The following ISM1 variants were observed in gnomAD, a reference collection of about 807,000 sequenced individuals.
ISM1 encodes isthmin-1.
In ISM1, 25 loss-of-function variants were observed where a neutral mutation model predicts 46.3. The ratio of observed to expected loss-of-function variants is 0.54; its 90% CI spans 0.39 to 0.75. ISM1 has a LOEUF of 0.75. Ranked by LOEUF, ISM1 falls within the 30% of genes least tolerant of loss-of-function variation. The pLI, the probability that ISM1 is intolerant of heterozygous loss-of-function variation, is 0.00. For missense variants in ISM1, 536 were observed against 625.4 expected (o/e 0.86, Z 1.52); for synonymous variants, 255 against 256.7 (o/e 0.99, Z 0.06).
intron 1 of ISM1, among the ~76,000 whole-genome samples, chr20:13,243,583 G>A (rs1046525300): frequency 1.2e-4 from 19 of 152,036 alleles, no homozygotes; most frequent in African/African-American, 4.6e-4. Context: ...TATTATAAAA[G>A]CAGTAAAACG....
At chr20:13,254,579 C>T (rs1484353063) in intron 1 of ISM1, among the ~76,000 whole-genome samples, 1 of 152,132 alleles carries the variant, frequency 6.6e-6, no homozygotes, top group Non-Finnish European at 1.5e-5. Flanking sequence ...GTGACTTGGT[C>T]ACAGGCAGGT....
the ISM1 span, among the ~76,000 whole-genome samples, chr20:13,315,219 A>G: frequency 6.6e-6 from 1 of 152,080 alleles, no homozygotes; most frequent in Non-Finnish European, 1.5e-5. Flanking sequence ...TTGAACATCA[A>G]TGACCTAAAT....
chr20:13,233,488 G>T (rs552918883), intron 1 of ISM1, among the ~76,000 whole-genome samples: 2 of 151,634 alleles, frequency 1.3e-5, no homozygotes, highest in African/African-American at 4.9e-5. Flanking sequence ...CCAGCTACTC[G>T]GGAGGCTGAG....
intron 1 of ISM1, among the ~76,000 whole-genome samples, chr20:13,261,351 G>A (rs891720133): frequency 2.6e-5 from 4 of 152,034 alleles, no homozygotes; most frequent in Middle Eastern, 3.4e-3. Flanking sequence ...CCAGAAGGCA[G>A]AGGTTGCAGT....
chr20:13,324,796 T>C, the ISM1 span, among the ~76,000 whole-genome samples: 2 of 152,146 alleles, frequency 1.3e-5, no homozygotes, highest in Non-Finnish European at 2.9e-5. Flanking sequence ...TTATTAGATA[T>C]TACATACATT....
chr20:13,287,994 T>C (rs751749704), intron 3 of ISM1, among the ~76,000 whole-genome samples: 8 of 152,180 alleles, frequency 5.3e-5, no homozygotes, highest in African/African-American at 9.7e-5. Context: ...TGCTCACATG[T>C]CTGGTGTCTG....
intron 5 of ISM1, among the ~76,000 whole-genome samples, chr20:13,293,339 G>T (rs2040373953): frequency 6.6e-6 from 1 of 152,272 alleles, no homozygotes. Context: ...GGTGCAAGGT[G>T]CAAGCTTACT....
At chr20:13,311,239 TAGATGATAGATAGATA>T in the ISM1 span, among the ~76,000 whole-genome samples, 1 of 110,282 alleles carries the variant, frequency 9.1e-6, no homozygotes, top group African/African-American at 3.4e-5. Context: ...GATAGATAGA[TAGATGATAGATAGATA>T]GATAGATAGA....
chr20:13,284,142 G>C (rs1358173664), intron 3 of ISM1, among the ~76,000 whole-genome samples: 1 of 152,198 alleles, frequency 6.6e-6, no homozygotes, highest in East Asian at 1.9e-4. Context: ...TCAGTAGATC[G>C]ACAGGGCAGC....
chr20:13,324,903 C>A, the ISM1 span, among the ~76,000 whole-genome samples: 1 of 152,182 alleles, frequency 6.6e-6, no homozygotes, highest in Non-Finnish European at 1.5e-5. Flanking sequence ...CTTGCTCATG[C>A]AGCTGAAGAA....
chr20:13,270,609 C>G lies in ISM1; in HGVS notation c.244C>G (p.Pro82Ala). Residue 82 changes from proline (P) to alanine (A), a missense_variant, in exon 2 of 6, where the codon CCC becomes GCC. This residue lies in a region of ISM1 where 367 missense variants were observed against 376.1 expected (regional missense o/e 0.98). Transcript: ENST00000262487. ...CCACCAGGCTGCACACCAACCCTTC[C>G]CCAGACCGCGATTCCGACAAGAGAC... The part of the protein sequence containing the change: ...LDHQAAHQPF[P>A]RPRFRQETGH... 1 of 1,613,990 alleles carries G rather than the reference C, an allele frequency of 6.2e-7. No individual in the cohort carries two copies. The highest frequency in any genetic ancestry group is 8.5e-7 in the Non-Finnish European group (1 of 1,179,886).
intron 1 of ISM1, among the ~76,000 whole-genome samples, chr20:13,233,971 A>G (rs1039070422): frequency 6.6e-6 from 1 of 152,190 alleles, no homozygotes; most frequent in African/African-American, 2.4e-5. Context: ...CATTTTAAAA[A>G]TGTTTACTTA....
At chr20:13,246,260 G>A (rs1257745883) in intron 1 of ISM1, among the ~76,000 whole-genome samples, 6 of 144,118 alleles carry the variant, frequency 4.2e-5, no homozygotes, top group East Asian at 4.0e-4. Context: ...GCAACACAGC[G>A]AGACTCCATC....
At chr20:13,308,705 A>G in the ISM1 span, among the ~76,000 whole-genome samples, 1 of 152,204 alleles carries the variant, frequency 6.6e-6, no homozygotes, top group Non-Finnish European at 1.5e-5. Context: ...AAAATTACAG[A>G]TGGATGCATG....
At chr20:13,244,768 G>A (rs1198367212) in intron 1 of ISM1, among the ~76,000 whole-genome samples, 2 of 152,132 alleles carry the variant, frequency 1.3e-5, no homozygotes, top group Non-Finnish European at 2.9e-5. Context: ...CTATGCACAA[G>A]TCAAAAGTGA....
At chr20:13,244,659 G>T (rs1273898980) in intron 1 of ISM1, among the ~76,000 whole-genome samples, 1 of 152,220 alleles carries the variant, frequency 6.6e-6, no homozygotes, top group Non-Finnish European at 1.5e-5. Flanking sequence ...ACACAGATAA[G>T]GAGATAATGT....
Position 13,298,979 on chromosome 20 carries a change from C to T in ISM1, c.915C>T (p.Ser305=), listed in dbSNP as rs1446702770. The T allele has an allele frequency of 1.9e-6, 3 of 1,613,422 alleles. No homozygotes were observed. Among genetic ancestry groups the T allele is most frequent in the East Asian group, 2.2e-5 (1 of 44,880 alleles). The change falls in exon 6 of 6, where the codon AGC becomes AGT. Residue 305 remains serine, a synonymous_variant. Transcript: ENST00000262487. ...GTGAGCGCTGGATGAGCTGCAAAAG[C>T]GAGTTCTTAAAGAAGTACATGCACA... ...DSCERWMSCK[S]EFLKKYMHKV...
chr20:13,270,195 C>G (rs2040096236), intron 1 of ISM1, among the ~76,000 whole-genome samples: 1 of 152,172 alleles, frequency 6.6e-6, no homozygotes. Context: ...GGTTCCAGCT[C>G]TAAATGAACA....
At chr20:13,322,881 C>T in the ISM1 span, among the ~76,000 whole-genome samples, 3 of 152,212 alleles carry the variant, frequency 2.0e-5, no homozygotes, top group Non-Finnish European at 2.9e-5. Flanking sequence ...CCCACCCCCG[C>T]TGCCCTGACC....
Sources: gnomAD v4.1 joint callset for allele counts (sites outside exome capture counted in the v4.1 genomes callset) on GRCh38, gnomAD v4.1.1 for gene constraint, gnomAD v4.1.1 regional missense constraint, MANE v1.5 for transcripts, NCBI Gene and HGNC (gene_info 2026-07-23, HGNC 2026-07-21) for gene names.